Variants in FLVCR1 observed in about 807,000 individuals in gnomAD.
The protein encoded by FLVCR1 is FLVCR choline and heme transporter 1.
A neutral mutation model predicts 53.6 loss-of-function variants in FLVCR1; 34 were observed. The observed-to-expected ratio is 0.63, with a 90% CI of 0.48 to 0.84. The LOEUF (loss-of-function observed/expected upper bound fraction) is 0.84, where lower values mean the gene tolerates loss of function less well. Ranked by LOEUF, FLVCR1 falls within the 40% of genes least tolerant of loss-of-function variation. The pLI is 0.00. For missense variants in FLVCR1, 677 were observed against 696.7 expected (o/e 0.97, Z 0.32); for synonymous variants, 300 against 286.3 (o/e 1.05, Z -0.48).
At position 212,858,535 on chromosome 1, in the gene FLVCR1, G is replaced by C; in HGVS notation, c.83G>C (p.Gly28Ala). ...AAAGGATACCTCCCGTTGCCGAGGG[G>C]CGCGCCCGTTGGGAAGGAGAGCGTG... is the stretch of plus-strand genomic sequence containing the variant. ...LAKGYLPLPR[G>A]APVGKESVEL... Residue 28 changes from glycine to alanine, a missense_variant, in exon 1 of 10, where the codon GGC (glycine) becomes GCC (alanine). Coordinates refer to ENST00000366971, the MANE Select transcript of FLVCR1 (RefSeq NM_014053.4). 6.8e-7 allele frequency: 1 copy of C among 1,462,626 alleles called. No homozygotes were observed. Among genetic ancestry groups the C allele is most frequent in the African/African-American group, 1.4e-5 (1 of 70,564 alleles). The allele number at this position is 1,462,626 out of a possible 1,614,324, so 90.6% of individuals were successfully genotyped here.
At chr1:212,860,689 C>T (rs1664209194) in intron 1 of FLVCR1, among the ~76,000 whole-genome samples, 1 of 151,862 alleles carries the variant, frequency 6.6e-6, no homozygotes, top group South Asian at 2.1e-4. Context: ...TTCTCTTATC[C>T]CCACCATTAG....
chr1:212,858,873 G>A lies in FLVCR1; in HGVS notation c.421G>A (p.Val141Ile), dbSNP rs772126483. 2 of 1,614,226 alleles carry A rather than the reference G, an allele frequency of 1.2e-6. No individual in the cohort carries two copies. Among genetic ancestry groups the A allele is most frequent in the Non-Finnish European group, 8.5e-7 (1 of 1,180,034 alleles). Residue 141 changes from valine to isoleucine, a missense_variant, in exon 1 of 10, where the codon GTC (valine) becomes ATC (isoleucine). Physicochemically the swap from Val to Ile is conservative, Grantham distance 29. Transcript: ENST00000366971. ...ISNVFEGFYG[V>I]TLLHIDWLSM... is the part of the protein sequence containing the mutation. ...CAACGTCTTCGAGGGCTTCTACGGT[G>A]TCACCTTGCTGCACATCGACTGGCT...
At chr1:212,869,945 C>A (rs1011337608) in intron 2 of FLVCR1, 1 of 152,152 alleles carries the variant, frequency 6.6e-6, no homozygotes, top group Non-Finnish European at 1.5e-5. Context: ...CATTAAATAC[C>A]CATGACTACC....
At chr1:212,894,823 C>T (rs1422945396) in intron 8 of FLVCR1, among the ~76,000 whole-genome samples, 163 bp from the exon 9 acceptor site, 3 of 152,150 alleles carry the variant, frequency 2.0e-5, no homozygotes, top group African/African-American at 7.2e-5. Context: ...TAATTGTTAA[C>T]AACTTTAGAG....
intron 1 of FLVCR1, among the ~76,000 whole-genome samples, chr1:212,861,881 A>G (rs1475115390): frequency 6.6e-6 from 1 of 152,106 alleles, no homozygotes; most frequent in East Asian, 1.9e-4. Flanking sequence ...CATGTTAGCC[A>G]GGATGGTCTC....
intron 3 of FLVCR1, among the ~76,000 whole-genome samples, chr1:212,882,440 A>G (rs539247133): frequency 6.6e-6 from 1 of 152,282 alleles, no homozygotes; most frequent in Admixed American, 6.5e-5. Flanking sequence ...GTTTATGAAT[A>G]TGCATATATG....
intron 2 of FLVCR1, among the ~76,000 whole-genome samples, chr1:212,871,192 T>C (rs1377041419): frequency 6.6e-6 from 1 of 152,206 alleles, no homozygotes; most frequent in East Asian, 1.9e-4. Flanking sequence ...AATTGAGATA[T>C]GGTTATGTGA....
At chr1:212,872,875 A>G in intron 3 of FLVCR1, 57 bp downstream of exon 3, 1 of 1,594,792 alleles carries the variant, frequency 6.3e-7, no homozygotes, top group South Asian at 1.1e-5. Context: ...AGCATTGTGG[A>G]TTCTTTTCAT....
chr1:212,862,895 G>A (rs1170378791), intron 1 of FLVCR1, among the ~76,000 whole-genome samples: 1 of 152,142 alleles, frequency 6.6e-6, no homozygotes, highest in Non-Finnish European at 1.5e-5. Flanking sequence ...GTGTGGAGTG[G>A]TATCTTATGG....
intron 3 of FLVCR1, among the ~76,000 whole-genome samples, chr1:212,880,135 G>A (rs1664883961): frequency 6.6e-6 from 1 of 152,152 alleles, no homozygotes. Context: ...GGCTAACCCA[G>A]CGTGGTCCAC....
chr1:212,861,265 T>G (rs1664231673), intron 1 of FLVCR1, among the ~76,000 whole-genome samples: 1 of 152,240 alleles, frequency 6.6e-6, no homozygotes, highest in African/African-American at 2.4e-5. Flanking sequence ...CCTCCTGGCC[T>G]TGTATGTAAT....
chr1:212,872,141 G>T (rs377502659), intron 2 of FLVCR1, among the ~76,000 whole-genome samples: 1 of 151,710 alleles, frequency 6.6e-6, no homozygotes, highest in Non-Finnish European at 1.5e-5. Context: ...TTGAGACAGG[G>T]TCCTGCTCTG....
rs778649043 is a variant in FLVCR1 at position 212,889,211 on chromosome 1, G to A, written c.1479G>A (p.Gly493=). 2.5e-6 allele frequency: 4 copies of A among 1,613,756 alleles called. No individual in the cohort carries two copies. In the African/African-American group the frequency reaches 4.0e-5, roughly 16 times the overall value. ...CATCAGACTATGGTCCTAAGGCAGG[G>A]AACATTTTTCTCTGTGTCTGGATGT... ...KLTSDYGPKA[G]NIFLCVWMFI... is the part of the protein sequence containing the mutation. The change falls in exon 8 of 10, where the codon GGG becomes GGA. Residue 493 remains glycine, a synonymous_variant. Transcript: ENST00000366971.
chr1:212,890,983 C>T (rs1015146453), intron 8 of FLVCR1, among the ~76,000 whole-genome samples: 1 of 152,154 alleles, frequency 6.6e-6, no homozygotes, highest in African/African-American at 2.4e-5. Flanking sequence ...GTTTTTCCCC[C>T]TGTCCAGTTA....
At chr1:212,862,201 T>G (rs12048942) in intron 1 of FLVCR1, among the ~76,000 whole-genome samples, 34,244 of 152,102 alleles carry the variant, frequency 0.23, 4,479 homozygotes, top group East Asian at 0.45. Context: ...CTAACCATTT[T>G]AATGTGTACA....
intron 2 of FLVCR1, chr1:212,864,259 G>A: frequency 3.7e-6 from 1 of 271,964 alleles, no homozygotes; most frequent in Non-Finnish European, 7.2e-6. Context: ...TGGTCTTTCT[G>A]GTAATGCTAA....
chr1:212,867,045 A>G (rs949178515), intron 2 of FLVCR1, among the ~76,000 whole-genome samples: 3 of 152,234 alleles, frequency 2.0e-5, no homozygotes, highest in Admixed American at 6.5e-5. Flanking sequence ...TTCTCTCTGA[A>G]TTCTATCCAT....
At chr1:212,877,576 T>C (rs1322676817) in intron 3 of FLVCR1, among the ~76,000 whole-genome samples, 2 of 152,130 alleles carry the variant, frequency 1.3e-5, no homozygotes, top group Admixed American at 1.3e-4. Flanking sequence ...GGTTTTTTTT[T>C]CTTGTAAATT....
chr1:212,889,830 C>T (rs1029504513), intron 8 of FLVCR1, among the ~76,000 whole-genome samples: 4 of 151,692 alleles, frequency 2.6e-5, no homozygotes, highest in Non-Finnish European at 4.4e-5. Flanking sequence ...TTCTGTTGCT[C>T]AGTGGGAGTG....
Sources: allele counts gnomAD v4.1 joint callset (sites outside exome capture counted in the v4.1 genomes callset), GRCh38; gene constraint gnomAD v4.1.1; transcripts MANE v1.5; gene names NCBI Gene and HGNC (gene_info 2026-07-23, HGNC 2026-07-21).